The following ATOH8 variants were observed in gnomAD, a reference collection of about 807,000 sequenced individuals.
The protein encoded by ATOH8 is atonal bHLH transcription factor 8.
A neutral mutation model predicts 21.2 loss-of-function variants in ATOH8; 9 were observed. The observed-to-expected ratio is 0.42, with a 90% CI of 0.26 to 0.74. The LOEUF (loss-of-function observed/expected upper bound fraction) is 0.74. Among genes scored for constraint, ATOH8 ranks in the 30% least tolerant of loss-of-function variants. The probability of loss-of-function intolerance (pLI) is 0.24; values close to 1 mark genes in which losing one functional copy is unlikely to be tolerated. For missense variants in ATOH8, 524 were observed against 470.9 expected (o/e 1.11, Z -1.04); for synonymous variants, 253 against 224.0 (o/e 1.13, Z -1.16).
chr2:85,761,594 G>A (rs1171652868), intron 1 of ATOH8, among the ~76,000 whole-genome samples: 1 of 152,184 alleles, frequency 6.6e-6, no homozygotes, highest in Non-Finnish European at 1.5e-5. Flanking sequence ...GCTGTTACGG[G>A]CCATGGGCTC....
Position 85,784,491 on chromosome 2 carries a change from A to G in ATOH8, c.961-2394A>G, listed in dbSNP as rs550707804. ...TAGAAGGTCAAGGCTATGCTGAGCC[A>G]TGATTGCAACCACTACACTCAGCCT... On this transcript the variant is annotated intron_variant, in intron 2 of 2. Coordinates refer to ENST00000306279, the MANE Select transcript of ATOH8 (RefSeq NM_032827.7). Among the ~76,000 whole-genome samples, 9 of 152,270 alleles carry G rather than the reference A, an allele frequency of 5.9e-5. No homozygotes were observed. The East Asian group carries it at 1.7e-3, about 29-fold the overall frequency.
At chr2:85,783,013 G>A (rs1680536614) in intron 2 of ATOH8, among the ~76,000 whole-genome samples, 1 of 152,228 alleles carries the variant, frequency 6.6e-6, no homozygotes, top group Non-Finnish European at 1.5e-5. Context: ...ATACTGCTGT[G>A]TGTTAGATAC....
chr2:85,769,147 C>G (rs1476146778), intron 2 of ATOH8, among the ~76,000 whole-genome samples: 1 of 151,582 alleles, frequency 6.6e-6, no homozygotes, highest in African/African-American at 2.4e-5. Context: ...TAGGAAAGCA[C>G]TGATTTTGCA....
rs1374832182 is a variant in ATOH8, at chr2:85,754,647, G to C, written c.458G>C (p.Arg153Pro). 6.6e-7 allele frequency: 1 copy of C among 1,521,992 alleles called. No individual in the cohort carries two copies. The highest frequency in any genetic ancestry group is 8.8e-7 in the Non-Finnish European group (1 of 1,137,874). The allele number at this position is 1,521,992 out of a possible 1,614,324, so 94.3% of individuals were successfully genotyped here. ...TTCCGGGAGCCGGGTCTGCGTCCTC[G>C]CATCTTGCTGTGCGCACCGCCCGCG... ...QPFREPGLRPRILLCAPPARP... is the reference protein window; with the variant it reads ...QPFREPGLRPPILLCAPPARP... Residue 153 changes from arginine to proline, a missense_variant, in exon 1 of 3, where the codon CGC becomes CCC. Transcript: ENST00000306279.
At chr2:85,763,857 T>TGTGTGA in intron 1 of ATOH8, 134 bp from the exon 2 acceptor site, 1 of 697,036 alleles carries the variant, frequency 1.4e-6, no homozygotes, top group Non-Finnish European at 2.4e-6. Flanking sequence ...TGTGTGTGTG[T>TGTGTGA]AAACAGCAGG....
At chr2:85,761,065 A>G (rs538139671) in intron 1 of ATOH8, among the ~76,000 whole-genome samples, 1 of 152,214 alleles carries the variant, frequency 6.6e-6, no homozygotes, top group African/African-American at 2.4e-5. Context: ...GGGCACCAGG[A>G]GGATCTGGAA....
In ATOH8 at chr2:85,789,575, C is replaced by T. The variant is rs1476094070; in HGVS notation, c.*2685C>T. Among the ~76,000 whole-genome samples the T allele has an allele frequency of 6.6e-6, 1 of 152,124 alleles. No homozygotes were observed. Among genetic ancestry groups the T allele is most frequent in the East Asian group, 1.9e-4 (1 of 5,196 alleles). On this transcript the variant is annotated 3_prime_UTR_variant, in exon 3 of 3. Transcript: ENST00000306279. ...TTTCTATGCAGAGGAGCACTCAGCG[C>T]TGGCAGGAAATTGGAATCACCCAAG...
intron 1 of ATOH8, among the ~76,000 whole-genome samples, chr2:85,760,439 C>T (rs1056030932): frequency 2.6e-5 from 4 of 152,078 alleles, no homozygotes; most frequent in African/African-American, 9.7e-5. Flanking sequence ...ACTCTCCATC[C>T]CGAGCTCAGG....
rs539864853 is a variant in ATOH8 at position 85,787,103 on chromosome 2, C to G, written c.*213C>G. The G allele has an allele frequency of 4.9e-6, 3 of 606,788 alleles. No homozygotes were observed. The highest frequency in any genetic ancestry group is 8.6e-6 in the Non-Finnish European group (3 of 348,060). 37.6% of individuals were successfully genotyped at this position (606,788 alleles called of 1,614,324 possible). A position where few individuals can be genotyped will look rare whatever the true frequency, so the allele number is the denominator to read the frequency against. On this transcript the variant is annotated 3_prime_UTR_variant, in exon 3 of 3. Coordinates refer to ENST00000306279, the MANE Select transcript of ATOH8 (RefSeq NM_032827.7). ...ATCCGAGGCTGCTTCGCACTTTGCC[C>G]TCTGCCTGGTGGGGAGGGGAGAGCT... is the stretch of plus-strand genomic sequence containing the variant.
intron 2 of ATOH8, among the ~76,000 whole-genome samples, chr2:85,772,416 C>G (rs1033882198): frequency 1.2e-4 from 19 of 152,040 alleles, no homozygotes; most frequent in African/African-American, 4.6e-4. Flanking sequence ...CGCGGCCCCC[C>G]CTCCTGGCAG....
chr2:85,755,039 A>G (rs1384648594), intron 1 of ATOH8, 82 bp downstream of exon 1: 25 of 1,464,708 alleles, frequency 1.7e-5, no homozygotes, highest in Non-Finnish European at 9.0e-7. Flanking sequence ...GGCGGGATAG[A>G]GGTGTGTTTA....
In ATOH8 at chr2:85,785,921, T is replaced by G. The variant is rs1680611943; in HGVS notation, c.961-964T>G. On this transcript the variant is annotated intron_variant, in intron 2 of 2. Coordinates refer to ENST00000306279, the MANE Select transcript of ATOH8 (RefSeq NM_032827.7). The surrounding 1 kb of genome is among the most constrained non-coding windows in gnomAD (Gnocchi z 4.1). ...GTACCAGGTTCAGGGACTTTGTTAT[T>G]TTTCATCCTGGGTGGATCTGGAGGT... 6.6e-6 allele frequency among the ~76,000 whole-genome samples: 1 copy of G among 152,128 alleles called. No homozygotes were observed. Among genetic ancestry groups the G allele is most frequent in the Admixed American group, 6.5e-5 (1 of 15,280 alleles).
chr2:85,790,605 C>T lies in ATOH8; in HGVS notation c.*3715C>T, dbSNP rs1680742615. On this transcript the variant is annotated 3_prime_UTR_variant, in exon 3 of 3. Transcript: ENST00000306279. ...TGCTGTTCTCTTTTTTTCTGGATTT[C>T]TCCACCTCCACCAAGTTCCCCTTTC... 6.6e-6 allele frequency among the ~76,000 whole-genome samples: 1 copy of T among 152,162 alleles called. No homozygotes were observed. Among genetic ancestry groups the T allele is most frequent in the Non-Finnish European group, 1.5e-5 (1 of 68,024 alleles).
rs765219739 is a variant in ATOH8, at chr2:85,787,975, C to T, written c.*1085C>T. ...CTGCGTGTTCAAAGCCAAGGCCCGC[C>T]CCTTCCTTGTGCTCAAATGGCCAAA... On this transcript the variant is annotated 3_prime_UTR_variant, in exon 3 of 3. Coordinates refer to ENST00000306279, the MANE Select transcript of ATOH8 (RefSeq NM_032827.7). 1.3e-5 allele frequency: 2 copies of T among 152,652 alleles called. No individual in the cohort carries two copies. The highest frequency in any genetic ancestry group is 1.3e-4 in the Admixed American group (2 of 15,290). 9.5% of individuals were successfully genotyped at this position (152,652 alleles called of 1,614,324 possible).
Position 85,769,801 on chromosome 2 carries a change from G to A in ATOH8, c.960+5619G>A, listed in dbSNP as rs534894972. Among the ~76,000 whole-genome samples the A allele has an allele frequency of 3.3e-5, 5 of 152,182 alleles. No homozygotes were observed. In the East Asian group the frequency reaches 7.8e-4, roughly 24 times the overall value. On this transcript the variant is annotated intron_variant, in intron 2 of 2. Transcript: ENST00000306279. The stretch of plus-strand genomic sequence containing the variant: ...TGTGGGAGGCGGAGTCTCCAGAGCC[G>A]CACCCTGCCTGGATTCAGTTCCACC...
chr2:85,772,555 G>A (rs1037282994), intron 2 of ATOH8: 16 of 373,790 alleles, frequency 4.3e-5, no homozygotes, highest in African/African-American at 1.1e-4. Context: ...CAGCCCGCCC[G>A]GCCCTCTGCT....
In ATOH8 at chr2:85,754,897, C is replaced by T. The variant is rs1188519545; in HGVS notation, c.708C>T (p.Asn236=). 3.1e-6 allele frequency: 5 copies of T among 1,610,414 alleles called. No homozygotes were observed. The highest frequency in any genetic ancestry group is 1.1e-5 in the South Asian group (1 of 91,056). ...AGCAGACCCGGAGGCTCCTGGCGAA[C>T]GCCAGGGAGCGGACGCGGGTGCACA... ...ALQQTRRLLA[N]ARERTRVHTI... is the part of the protein sequence containing the mutation. Residue 236 remains asparagine, a synonymous_variant, in exon 1 of 3, where the codon AAC becomes AAT. Coordinates refer to ENST00000306279, the MANE Select transcript of ATOH8 (RefSeq NM_032827.7).
At position 85,754,728 on chromosome 2, in the gene ATOH8, G is replaced by A. The variant is rs768458778; in HGVS notation, c.539G>A (p.Arg180His). Reference protein sequence around the residue: ...APPAPPESTVRPAPPTRPGES... With the variant: ...APPAPPESTVHPAPPTRPGES... Reference sequence around the variant, plus strand: ...CCAGCGCCCCCGGAGTCCACTGTGCGCCCTGCGCCCCCGACGCGCCCCGGG... The same window carrying A: ...CCAGCGCCCCCGGAGTCCACTGTGCACCCTGCGCCCCCGACGCGCCCCGGG... Residue 180 changes from arginine (R) to histidine (H), a missense_variant, in exon 1 of 3, where the codon CGC becomes CAC. Transcript: ENST00000306279. The A allele has an allele frequency of 3.7e-6, 6 of 1,612,238 alleles. No homozygotes were observed. The Middle Eastern group carries it at 6.6e-4, about 177-fold the overall frequency.
At chr2:85,783,015 G>A (rs1188532739) in intron 2 of ATOH8, among the ~76,000 whole-genome samples, 3 of 152,200 alleles carry the variant, frequency 2.0e-5, no homozygotes, top group Non-Finnish European at 4.4e-5. Flanking sequence ...ACTGCTGTGT[G>A]TTAGATACTG....
Sources: gnomAD v4.1 joint callset for allele counts (sites outside exome capture counted in the v4.1 genomes callset) on GRCh38, gnomAD v4.1.1 for gene constraint, Gnocchi (gnomAD v3.1) non-coding constraint, MANE v1.5 for transcripts, NCBI Gene and HGNC (gene_info 2026-07-23, HGNC 2026-07-21) for gene names.